CPB2: variants seen among roughly 807,000 people sequenced by gnomAD.
The protein encoded by CPB2 is carboxypeptidase B-like protein.
A neutral mutation model predicts 57.0 loss-of-function variants in CPB2; 54 were observed. The ratio of observed to expected loss-of-function variants is 0.95; its 90% confidence interval spans 0.76 to 1.19. CPB2 has a LOEUF of 1.19. Among genes scored for constraint, CPB2 ranks in the 50% most tolerant of loss-of-function variants. The pLI is 0.00. For missense variants in CPB2, 426 were observed against 512.0 expected (o/e 0.83, Z 1.62); for synonymous variants, 189 against 178.1 (o/e 1.06, Z -0.49).
chr13:46,096,483 A>G (rs1393624872), intron 1 of CPB2: 1 of 152,184 alleles, frequency 6.6e-6, no homozygotes, highest in Non-Finnish European at 1.5e-5. Context: ...GGGTACAAGT[A>G]AAAAATGAAG....
chr13:46,101,549 A>G (rs1264520270), intron 1 of CPB2, among the ~76,000 whole-genome samples: 1 of 152,182 alleles, frequency 6.6e-6, no homozygotes, highest in African/African-American at 2.4e-5. Flanking sequence ...CCCACTACGC[A>G]AAATGTCATG....
Position 46,073,412 on chromosome 13 carries a change from T to C in CPB2, c.591+461A>G, listed in dbSNP as rs1305702039. 6 of 855,846 alleles carry C rather than the reference T, an allele frequency of 7.0e-6. No individual in the cohort carries two copies. The East Asian group carries it at 6.1e-4, about 86-fold the overall frequency. The allele number at this position is 855,846 out of a possible 1,614,324, so 53.0% of individuals were successfully genotyped here. A position where few individuals can be genotyped will look rare whatever the true frequency, so the allele number is the denominator to read the frequency against. On this transcript the variant is annotated intron_variant, in intron 6 of 10. Transcript: ENST00000181383. ...ACCCTTCTTCAGGAACAAAATTCCC[T>C]ATTATGACATATGAGAAAACATATT...
At chr13:46,078,306 AG>A (rs1346024355) in intron 5 of CPB2, among the ~76,000 whole-genome samples, 1 of 151,940 alleles carries the variant, frequency 6.6e-6, no homozygotes, top group Non-Finnish European at 1.5e-5. Context: ...ATTTTCTGTT[AG>A]TGTTTGTCCC....
intron 1 of CPB2, among the ~76,000 whole-genome samples, chr13:46,091,306 C>G (rs1415065603): frequency 6.6e-6 from 1 of 152,188 alleles, no homozygotes; most frequent in African/African-American, 2.4e-5. Flanking sequence ...ACTTAATGTA[C>G]TTTTAATACG....
chr13:46,068,693 GC>G (rs983747914), intron 6 of CPB2, among the ~76,000 whole-genome samples: 6 of 140,434 alleles, frequency 4.3e-5, no homozygotes, highest in Admixed American at 1.4e-4. Flanking sequence ...CCCTCCCCTA[GC>G]CCCCCACCCC....
intron 8 of CPB2, among the ~76,000 whole-genome samples, chr13:46,059,642 A>T (rs1593882168): frequency 6.6e-6 from 1 of 152,024 alleles, no homozygotes; most frequent in Non-Finnish European, 1.5e-5. Context: ...ACCTGAAAGA[A>T]GCCAGTGTGC....
chr13:46,063,442 T>A (rs2044805608), intron 8 of CPB2, among the ~76,000 whole-genome samples: 1 of 152,244 alleles, frequency 6.6e-6, no homozygotes, highest in Non-Finnish European at 1.5e-5. Flanking sequence ...GTTTCTGTGT[T>A]AATTTACTTA....
At position 46,084,392 on chromosome 13, in the gene CPB2, A is replaced by G. The variant is rs1287757788; in HGVS notation, c.151-49T>C. On this transcript the variant is annotated intron_variant, in intron 2 of 10. Transcript: ENST00000181383. ...ATAAAATTAAAAAAGAGTTGTTCACATCATTCTCATCTGTAGCTAGAGCCA... is the reference window on the plus strand; with the variant it reads ...ATAAAATTAAAAAAGAGTTGTTCACGTCATTCTCATCTGTAGCTAGAGCCA... 8 of 1,601,730 alleles carry G rather than the reference A, an allele frequency of 5.0e-6. No homozygotes were observed. In the Admixed American group the frequency reaches 1.3e-4, roughly 27 times the overall value.
chr13:46,073,401 A>G, intron 6 of CPB2: 1 of 800,668 alleles, frequency 1.2e-6, no homozygotes, highest in Middle Eastern at 6.6e-4. Flanking sequence ...TTCTTCAGGA[A>G]CAAAATTCCC....
chr13:46,080,713 G>A (rs571991496), intron 4 of CPB2, among the ~76,000 whole-genome samples: 2 of 152,274 alleles, frequency 1.3e-5, no homozygotes, highest in South Asian at 2.1e-4. Context: ...GCTCACACCT[G>A]TAATCCTAGA....
rs1340569842 is a variant in CPB2, at chr13:46,091,012, C to G, written c.75-3192G>C. On this transcript the variant is annotated intron_variant, in intron 1 of 10. Coordinates refer to ENST00000181383, the MANE Select transcript of CPB2 (RefSeq NM_001872.5). ...GTGCTGGGATTACAGGCGTGAGCCA[C>G]CGTGCCCGGCTGCACATTTTTAAAT... is the stretch of plus-strand genomic sequence containing the variant. 2.6e-5 allele frequency among the ~76,000 whole-genome samples: 4 copies of G among 152,248 alleles called. No individual in the cohort carries two copies. In the East Asian group the frequency reaches 7.7e-4, roughly 29 times the overall value.
chr13:46,057,677 T>G (rs980676873), intron 9 of CPB2, among the ~76,000 whole-genome samples: 5 of 152,238 alleles, frequency 3.3e-5, no homozygotes, highest in Non-Finnish European at 1.5e-5. Context: ...AAAAACAGAC[T>G]CTCTCCTCAA....
chr13:46,097,788 G>C (rs934969512), intron 1 of CPB2, among the ~76,000 whole-genome samples: 1 of 152,326 alleles, frequency 6.6e-6, no homozygotes, highest in East Asian at 1.9e-4. Context: ...AACCAAGTTG[G>C]AGTGTTTCCA....
Position 46,078,822 on chromosome 13 carries a change from T to C in CPB2, c.464A>G (p.Lys155Arg), listed in dbSNP as rs145039536. The C allele has an allele frequency of 1.2e-6, 2 of 1,609,284 alleles. No homozygotes were observed. Among genetic ancestry groups the C allele is most frequent in the African/African-American group, 2.7e-5 (2 of 74,822 alleles). Reference protein sequence around the residue: ...TKIHIGSSFEKYPLYVLKVSG... With the variant: ...TKIHIGSSFERYPLYVLKVSG... The stretch of plus-strand genomic sequence containing the variant: ...TACCTTTAAAACATAGAGTGGGTAC[T>C]TCTCAAATGAGGATCCAATGTGGAT... The change falls in exon 5 of 11, where the codon AAG becomes AGG. Residue 155 changes from lysine to arginine, a missense_variant. Lys to Arg is a conservative substitution (Grantham distance 26). Coordinates refer to ENST00000181383, the MANE Select transcript of CPB2 (RefSeq NM_001872.5).
At position 46,074,590 on chromosome 13, in the gene CPB2, A is replaced by G. The variant is rs1345414856; in HGVS notation, c.487-613T>C. ...AAGAATCATCAACCTTTTCTCAATA[A>G]TAGCCTTTGATGTCTTTAGAAGAAT... On this transcript the variant is annotated intron_variant, in intron 5 of 10. Transcript: ENST00000181383. Among the ~76,000 whole-genome samples the G allele has an allele frequency of 2.0e-5, 3 of 152,210 alleles. No individual in the cohort carries two copies. The East Asian group carries it at 5.8e-4, about 29-fold the overall frequency.
intron 1 of CPB2, chr13:46,101,314 A>G (rs756541452): frequency 2.6e-5 from 4 of 152,212 alleles, no homozygotes; most frequent in Non-Finnish European, 5.9e-5. Flanking sequence ...TGATTAGAAA[A>G]TTGTTCTTTG....
chr13:46,101,243 T>C (rs919150577), intron 1 of CPB2: 1 of 152,228 alleles, frequency 6.6e-6, no homozygotes, highest in African/African-American at 2.4e-5. Context: ...TGTTTATAAG[T>C]GCTGCCTGCC....
At position 46,087,744 on chromosome 13, in the gene CPB2, C is replaced by A. The variant is rs1409226568; in HGVS notation, c.150+1G>T. 1 of 1,595,620 alleles carries A rather than the reference C, an allele frequency of 6.3e-7. No individual in the cohort carries two copies. The highest frequency in any genetic ancestry group is 1.7e-5 in the Admixed American group (1 of 59,008). On this transcript the variant is annotated splice_donor_variant, in intron 2 of 10. Coordinates refer to ENST00000181383, the MANE Select transcript of CPB2 (RefSeq NM_001872.5). LOFTEE classifies it high-confidence loss of function. ...ATAAACATAAATTAGGGAGAAATTACCTCATATGTTGTAGTAAGATTCTGT... is the reference window on the plus strand; with the variant it reads ...ATAAACATAAATTAGGGAGAAATTAACTCATATGTTGTAGTAAGATTCTGT...
At chr13:46,102,151 A>G (rs1376903884) in intron 1 of CPB2, among the ~76,000 whole-genome samples, 1 of 152,236 alleles carries the variant, frequency 6.6e-6, no homozygotes, top group African/African-American at 2.4e-5. Context: ...CCTGTGGTCT[A>G]TTAATAATTC....
Sources: gnomAD v4.1 joint callset for allele counts (sites outside exome capture counted in the v4.1 genomes callset) on GRCh38, gnomAD v4.1.1 for gene constraint, MANE v1.5 for transcripts, NCBI Gene and HGNC (gene_info 2026-07-23, HGNC 2026-07-21) for gene names.